The following SLC25A25 variants were observed in gnomAD, a reference collection of about 807,000 sequenced individuals.
SLC25A25 encodes solute carrier family 25 member 25, also known as mitochondrial adenyl nucleotide antiporter SLC25A25.
A neutral mutation model predicts 57.7 loss-of-function variants in SLC25A25; 32 were observed. That is an observed-to-expected ratio of 0.55 (90% CI 0.42 to 0.74). The LOEUF (loss-of-function observed/expected upper bound fraction) is 0.74, where lower values mean the gene tolerates loss of function less well. SLC25A25 is among the 30% of genes least tolerant of loss of function. The pLI is 0.00. For synonymous variants in SLC25A25, 306 were observed against 291.2 expected (o/e 1.05, Z -0.52); for missense variants, 556 against 701.3 (o/e 0.79, Z 2.34).
chr9:128,100,003 C>G (rs1833720760), intron 1 of SLC25A25, among the ~76,000 whole-genome samples: 1 of 152,188 alleles, frequency 6.6e-6, no homozygotes, highest in Non-Finnish European at 1.5e-5. Flanking sequence ...CCCCCATGTT[C>G]TGAAGGTTAG....
At chr9:128,075,797 T>C (rs895797085) in intron 1 of SLC25A25, among the ~76,000 whole-genome samples, 1 of 151,828 alleles carries the variant, frequency 6.6e-6, no homozygotes, top group African/African-American at 2.4e-5. Context: ...TGAGCCGAGA[T>C]CGCGCCACTG....
chr9:128,074,686 C>CA (rs1272105125), intron 1 of SLC25A25, among the ~76,000 whole-genome samples: 1 of 152,054 alleles, frequency 6.6e-6, no homozygotes, highest in Non-Finnish European at 1.5e-5. Flanking sequence ...GCCTGGCCGA[C>CA]AGAGCCAGAC....
intron 1 of SLC25A25, among the ~76,000 whole-genome samples, chr9:128,100,173 C>T (rs1833728682): frequency 6.6e-6 from 1 of 150,946 alleles, no homozygotes; most frequent in African/African-American, 2.4e-5. Context: ...AATGACATTT[C>T]CTACCTCCTA....
At position 128,102,254 on chromosome 9, in the gene SLC25A25, C is replaced by T; in HGVS notation, c.513-116C>T. The T allele has an allele frequency of 7.2e-7, 1 of 1,398,422 alleles. No individual in the cohort carries two copies. Among genetic ancestry groups the T allele is most frequent in the Non-Finnish European group, 9.9e-7 (1 of 1,006,980 alleles). The allele number at this position is 1,398,422 out of a possible 1,614,324, so 86.6% of individuals were successfully genotyped here. On this transcript the variant is annotated intron_variant, in intron 4 of 10. Coordinates refer to ENST00000373069, the MANE Select transcript of SLC25A25 (RefSeq NM_001330988.2). This position sits in a 1 kb window ranked among gnomAD's most constrained non-coding sequence, Gnocchi z 4.1. ...CTGCTCTTTCTCCTGGGGGCAGAGG[C>T]ACCTCGTGTGGTTTCTGGGCATCCG...
intron 9 of SLC25A25, 105 bp from the exon 10 acceptor site, chr9:128,106,924 C>G (rs781541673): frequency 1.4e-6 from 2 of 1,385,508 alleles, no homozygotes; most frequent in African/African-American, 2.9e-5. Context: ...AGGCCCCAGG[C>G]GCGGCAGTCG....
intron 1 of SLC25A25, among the ~76,000 whole-genome samples, chr9:128,071,567 A>ATT (rs369801313): frequency 0.18 from 25,102 of 137,532 alleles, 2,466 homozygotes; most frequent in South Asian, 0.32. Flanking sequence ...CGCCCTGCTA[A>ATT]TTTTTTTTTT....
Position 128,107,063 on chromosome 9 carries a change from T to C in SLC25A25, c.1247T>C (p.Val416Ala), listed in dbSNP as rs1057400675. 2.8e-5 allele frequency: 45 copies of C among 1,613,982 alleles called. No homozygotes were observed. Among genetic ancestry groups the C allele is most frequent in the Non-Finnish European group, 3.8e-5 (45 of 1,180,024 alleles). ...LKNAWLQHYA[V>A]NSADPGVFVL... ...AATGCCTGGCTGCAGCACTATGCAGTGAACAGCGCGGACCCCGGCGTGTTT... is the reference window on the plus strand; with the variant it reads ...AATGCCTGGCTGCAGCACTATGCAGCGAACAGCGCGGACCCCGGCGTGTTT... Residue 416 changes from valine (V) to alanine (A), a missense_variant, in exon 10 of 11, where the codon GTG becomes GCG. By Grantham distance (64) the Val-to-Ala change is moderately conservative. This residue lies in a region of SLC25A25 where 294 missense variants were observed against 389.6 expected (regional missense o/e 0.75). Transcript: ENST00000373069.
chr9:128,080,531 T>C (rs866748744), intron 1 of SLC25A25, among the ~76,000 whole-genome samples: 15 of 147,716 alleles, frequency 1.0e-4, no homozygotes, highest in Middle Eastern at 7.1e-3. Context: ...CAGGCTGGAG[T>C]GCATGGAGGC....
chr9:128,081,029 A>G (rs1244185707), intron 1 of SLC25A25, among the ~76,000 whole-genome samples: 1 of 152,122 alleles, frequency 6.6e-6, no homozygotes, highest in East Asian at 1.9e-4. Flanking sequence ...TGTTTGCCAG[A>G]GTCTCTTCCT....
chr9:128,101,182 G>A lies in SLC25A25; in HGVS notation c.348G>A (p.Lys116=). The change falls in exon 2 of 11, where the codon AAG becomes AAA. Residue 116 remains lysine (K), a synonymous_variant. Transcript: ENST00000373069. This position sits in a 1 kb window ranked among gnomAD's most constrained non-coding sequence, Gnocchi z 4.9. The stretch of plus-strand genomic sequence containing the variant: ...ATTATCTCCAAGATCATGAGAAGAA[G>A]CTGAGGCTGGTGTTTAAGAGTTTGG... ...FVHYLQDHEK[K]LRLVFKSLDK... is the part of the protein sequence containing the mutation. 6.2e-7 allele frequency: 1 copy of A among 1,614,170 alleles called. No homozygotes were observed. The highest frequency in any genetic ancestry group is 8.5e-7 in the Non-Finnish European group (1 of 1,179,984).
Position 128,107,694 on chromosome 9 carries a change from C to T in SLC25A25, c.*250C>T, listed in dbSNP as rs1025547651. 3.9e-5 allele frequency: 17 copies of T among 432,270 alleles called. No homozygotes were observed. The highest frequency in any genetic ancestry group is 5.7e-5 in the Non-Finnish European group (14 of 246,562). The allele number at this position is 432,270 out of a possible 1,614,324, so 26.8% of individuals were successfully genotyped here. On this transcript the variant is annotated 3_prime_UTR_variant, in exon 11 of 11. Transcript: ENST00000373069. ...CTTAGGGTCCAGGGTCAGCAGGCTCCGGGCTCACATGTGTAAGGACAGGAC... is the reference window on the plus strand; with the variant it reads ...CTTAGGGTCCAGGGTCAGCAGGCTCTGGGCTCACATGTGTAAGGACAGGAC...
intron 1 of SLC25A25, among the ~76,000 whole-genome samples, chr9:128,087,244 C>T (rs1833298378): frequency 6.6e-6 from 1 of 152,084 alleles, no homozygotes; most frequent in African/African-American, 2.4e-5. Flanking sequence ...GGCCCCCAGT[C>T]ATTCTTTTAT....
At chr9:128,097,721 G>A (rs1310357337) in intron 1 of SLC25A25, among the ~76,000 whole-genome samples, 1 of 152,232 alleles carries the variant, frequency 6.6e-6, no homozygotes, top group Admixed American at 6.5e-5. Context: ...GGCCTCGACT[G>A]ACCCCAGATT....
At chr9:128,087,739 C>T (rs1234226736) in intron 1 of SLC25A25, among the ~76,000 whole-genome samples, 1 of 152,106 alleles carries the variant, frequency 6.6e-6, no homozygotes, top group African/African-American at 2.4e-5. Flanking sequence ...TGTTTTGTTT[C>T]CTCTGTGTTT....
chr9:128,086,518 A>G (rs568837290), intron 1 of SLC25A25, among the ~76,000 whole-genome samples: 1 of 152,100 alleles, frequency 6.6e-6, no homozygotes, highest in South Asian at 2.1e-4. Context: ...TTTTTAGTAG[A>G]GACAGGTTTT....
chr9:128,074,480 A>G lies in SLC25A25; in HGVS notation c.261+5900A>G, dbSNP rs7852491. 4.3e-3 allele frequency among the ~76,000 whole-genome samples: 654 copies of G among 151,796 alleles called. 10 individuals carry two copies. Among genetic ancestry groups the G allele is most frequent in the African/African-American group, 0.014 (592 of 41,400 alleles). On this transcript the variant is annotated intron_variant, in intron 1 of 10. Transcript: ENST00000373069. ...TCCCAGCACTTTGGGAGGTCGAGGC[A>G]GGTGGATTACCTGAGGTCAGGAGTT... is the stretch of plus-strand genomic sequence containing the variant.
intron 1 of SLC25A25, among the ~76,000 whole-genome samples, chr9:128,071,567 ATTT>A (rs369801313): frequency 7.3e-6 from 1 of 137,648 alleles, no homozygotes. Flanking sequence ...CGCCCTGCTA[ATTT>A]TTTTTTTTTT....
At chr9:128,086,613 G>A (rs1223971323) in intron 1 of SLC25A25, among the ~76,000 whole-genome samples, 4 of 152,004 alleles carry the variant, frequency 2.6e-5, no homozygotes, top group South Asian at 2.1e-4. Context: ...GATTACAGGC[G>A]TGAGCCACTG....
chr9:128,069,691 G>T (rs1832858398), intron 1 of SLC25A25, among the ~76,000 whole-genome samples: 1 of 152,180 alleles, frequency 6.6e-6, no homozygotes, highest in African/African-American at 2.4e-5. Context: ...AGCCTAGGAG[G>T]ACCAAGAGTA....
Sources: allele counts gnomAD v4.1 joint callset (sites outside exome capture counted in the v4.1 genomes callset), GRCh38; gene constraint gnomAD v4.1.1; regional missense constraint gnomAD v4.1.1; non-coding constraint Gnocchi (gnomAD v3.1); transcripts MANE v1.5; gene names NCBI Gene and HGNC (gene_info 2026-07-23, HGNC 2026-07-21).